The following TENM3 variants were observed in gnomAD, a reference collection of about 807,000 sequenced individuals.
TENM3 encodes the protein teneurin-3.
TENM3 carries 63 observed loss-of-function variants against 255.1 expected under a neutral mutation model. The observed-to-expected ratio is 0.25, with a 90% CI of 0.20 to 0.30. TENM3 has a LOEUF of 0.30. Ranked by LOEUF, TENM3 falls within the 10% of genes least tolerant of loss-of-function variation. The pLI, the probability that TENM3 is intolerant of heterozygous loss-of-function variation, is 1.00. For synonymous variants in TENM3, 1,306 were observed against 1,322.3 expected (o/e 0.99, Z 0.27); for missense variants, 2,929 against 3,461.1 (o/e 0.85, Z 3.86).
intron 1 of TENM3, among the ~76,000 whole-genome samples, chr4:182,308,253 G>T (rs2150402456): frequency 6.6e-6 from 1 of 152,260 alleles, no homozygotes; most frequent in Admixed American, 6.5e-5. Context: ...ATGACCCGAT[G>T]CCTGGGTTGG....
the TENM3 span, among the ~76,000 whole-genome samples, chr4:181,779,548 T>C: frequency 1.3e-5 from 2 of 152,230 alleles, no homozygotes; most frequent in Non-Finnish European, 1.5e-5. Context: ...ATTATAATTT[T>C]TGATTTTATT....
chr4:181,545,114 G>T, the TENM3 span, among the ~76,000 whole-genome samples: 4 of 152,192 alleles, frequency 2.6e-5, no homozygotes, highest in African/African-American at 9.7e-5. Context: ...CAGATACATT[G>T]AATGATTTTG....
intron 3 of TENM3, among the ~76,000 whole-genome samples, chr4:182,570,211 G>A (rs1744221475): frequency 6.6e-6 from 1 of 152,154 alleles, no homozygotes; most frequent in South Asian, 2.1e-4. Context: ...ACTGATGGAG[G>A]TTAGTGATTA....
At chr4:182,609,097 A>G (rs1748729607) in intron 4 of TENM3, among the ~76,000 whole-genome samples, 1 of 152,168 alleles carries the variant, frequency 6.6e-6, no homozygotes, top group Non-Finnish European at 1.5e-5. Context: ...GCCAGGAACC[A>G]TTTGCGGAGG....
chr4:182,738,535 G>T lies in TENM3; in HGVS notation c.3370G>T (p.Val1124Leu). Residue 1124 changes from valine (V) to leucine (L), a missense_variant, in exon 18 of 28, where the codon GTA becomes TTA. Physicochemically the swap from Val to Leu is conservative, Grantham distance 32. Around this residue, in one of 6 missense-constraint regions of TENM3, gnomAD observed 1,608 missense variants for 1,884.4 expected, o/e 0.85. Coordinates refer to ENST00000511685, the MANE Select transcript of TENM3 (RefSeq NM_001080477.4). ...WTLDKHHVLD[V>L]QNGILYKGNG... The stretch of plus-strand genomic sequence containing the variant: ...ATTAGATAAACATCACGTGCTGGAT[G>T]TACAGAACGGTAAGCTCTTGTTCAT... The T allele has an allele frequency of 6.2e-7, 1 of 1,610,738 alleles. No homozygotes were observed. The highest frequency in any genetic ancestry group is 8.5e-7 in the Non-Finnish European group (1 of 1,178,480).
At chr4:182,497,059 C>CT (rs112562945) in intron 3 of TENM3, among the ~76,000 whole-genome samples, 7,298 of 144,724 alleles carry the variant, frequency 0.05, 166 homozygotes, top group Non-Finnish European at 0.061. Flanking sequence ...CCACTTACAG[C>CT]TTTTTTTTTT....
the TENM3 span, among the ~76,000 whole-genome samples, chr4:181,822,985 A>G: frequency 6.6e-6 from 1 of 152,206 alleles, no homozygotes; most frequent in East Asian, 1.9e-4. Context: ...TACGATCTAA[A>G]AAAAAGGCGG....
At chr4:182,630,549 G>C (rs2152472265) in intron 5 of TENM3, among the ~76,000 whole-genome samples, 1 of 152,256 alleles carries the variant, frequency 6.6e-6, no homozygotes, top group East Asian at 1.9e-4. Flanking sequence ...GCCTGTCATG[G>C]GGTTGGCTGA....
chr4:181,456,512 T>C, the TENM3 span, among the ~76,000 whole-genome samples: 2 of 151,910 alleles, frequency 1.3e-5, no homozygotes, highest in African/African-American at 4.8e-5. Flanking sequence ...TTTAGGTTGA[T>C]AAAGCAGGAG....
intron 3 of TENM3, among the ~76,000 whole-genome samples, chr4:182,567,722 A>G (rs965894051): frequency 1.3e-5 from 2 of 150,702 alleles, no homozygotes; most frequent in African/African-American, 4.9e-5. Flanking sequence ...ACACACAATC[A>G]GGAGACTTCC....
chr4:182,069,755 C>G, the TENM3 span, among the ~76,000 whole-genome samples: 1 of 151,812 alleles, frequency 6.6e-6, no homozygotes, highest in Non-Finnish European at 1.5e-5. Flanking sequence ...AGAATCAGGT[C>G]ATGACAGCTC....
intron 14 of TENM3, among the ~76,000 whole-genome samples, chr4:182,729,878 G>A (rs1463061375): frequency 6.6e-6 from 1 of 152,104 alleles, no homozygotes; most frequent in East Asian, 1.9e-4. Context: ...CTTCATGTGA[G>A]CACCATATAT....
chr4:182,660,153 C>T (rs775777676), intron 6 of TENM3, among the ~76,000 whole-genome samples: 14 of 152,164 alleles, frequency 9.2e-5, no homozygotes, highest in Non-Finnish European at 1.9e-4. Flanking sequence ...CTATTTAATG[C>T]ATCTCATCTT....
At chr4:181,487,553 G>T in the TENM3 span, among the ~76,000 whole-genome samples, 6 of 152,038 alleles carry the variant, frequency 3.9e-5, no homozygotes, top group Admixed American at 2.6e-4. Flanking sequence ...TTTTACGAGG[G>T]TAATAATCTC....
the TENM3 span, among the ~76,000 whole-genome samples, chr4:181,767,218 C>T: frequency 7.0e-6 from 1 of 142,120 alleles, no homozygotes; most frequent in Non-Finnish European, 1.5e-5. Context: ...TGCCACTGCG[C>T]TCCAGCCTGG....
At chr4:182,421,470 T>C (rs1189839771) in intron 3 of TENM3, among the ~76,000 whole-genome samples, 1 of 152,212 alleles carries the variant, frequency 6.6e-6, no homozygotes, top group Non-Finnish European at 1.5e-5. Flanking sequence ...AAATGAGTTG[T>C]ATAGTCTTAA....
chr4:182,051,023 G>T, the TENM3 span, among the ~76,000 whole-genome samples: 1 of 152,072 alleles, frequency 6.6e-6, no homozygotes, highest in East Asian at 2.0e-4. Flanking sequence ...AGAAAAATAT[G>T]TTTCAAGACT....
intron 3 of TENM3, among the ~76,000 whole-genome samples, chr4:182,358,100 A>G (rs1302828042): frequency 6.6e-6 from 1 of 151,950 alleles, no homozygotes; most frequent in East Asian, 1.9e-4. Flanking sequence ...TACCAGTACC[A>G]TGCTGTTTTG....
chr4:182,295,547 G>A (rs1292268572), intron 1 of TENM3, among the ~76,000 whole-genome samples: 1 of 152,056 alleles, frequency 6.6e-6, no homozygotes, highest in Non-Finnish European at 1.5e-5. Context: ...GGGATTACAG[G>A]TGTGAGCCAC....
Sources: gnomAD v4.1 joint callset for allele counts (sites outside exome capture counted in the v4.1 genomes callset) on GRCh38, gnomAD v4.1.1 for gene constraint, gnomAD v4.1.1 regional missense constraint, MANE v1.5 for transcripts, NCBI Gene and HGNC (gene_info 2026-07-23, HGNC 2026-07-21) for gene names.